Variants in WNK3 observed in about 807,000 individuals in gnomAD.
The protein encoded by WNK3 is serine/threonine-protein kinase WNK3.
Under a neutral mutation model 116.7 loss-of-function variants are expected in WNK3, and 18 were observed. The observed-to-expected ratio is 0.15, with a 90% CI of 0.11 to 0.23. WNK3 has a LOEUF of 0.23. Ranked by LOEUF, WNK3 falls within the 10% of genes least tolerant of loss-of-function variation. The pLI is 1.00. For missense variants in WNK3, 993 were observed against 1,323.8 expected, an observed-to-expected ratio of 0.75 and a Z score of 3.88; for synonymous variants, 404 against 469.4, an observed-to-expected ratio of 0.86 and a Z score of 1.80.
chrX:54,217,347 G>A (rs2067709697), intron 22 of WNK3, among the ~76,000 whole-genome samples: 1 of 106,324 alleles, frequency 9.4e-6, no homozygotes, highest in South Asian at 4.2e-4. Context: ...TAGCCATGTG[G>A]GCCAGGCGCG....
At chrX:54,307,769 T>C (rs1367302554) in intron 5 of WNK3, among the ~76,000 whole-genome samples, 153 bp downstream of exon 5, 1 of 111,744 alleles carries the variant, frequency 8.9e-6, no homozygotes, top group Non-Finnish European at 1.9e-5. Flanking sequence ...CATAGTCATA[T>C]GGTATAAATC....
chrX:54,206,402 T>C (rs889737824), intron 22 of WNK3, among the ~76,000 whole-genome samples: 16 of 111,224 alleles, frequency 1.4e-4, no homozygotes, highest in African/African-American at 5.2e-4. Context: ...AAAATTAAAT[T>C]AAAAAATAAA....
At chrX:54,237,202 A>G (rs2146873883) in exon 20 of WNK3, 1 of 1,211,942 alleles carries the variant, frequency 8.3e-7, no homozygotes, top group East Asian at 3.0e-5. Flanking sequence ...TTTAAGCAAC[A>G]GTTCAGATCC....
intron 22 of WNK3, among the ~76,000 whole-genome samples, chrX:54,207,798 G>A (rs974345033): frequency 1.8e-5 from 2 of 110,949 alleles, no homozygotes; most frequent in Non-Finnish European, 3.8e-5. Context: ...ACAGGCGTGA[G>A]CCACTGCACA....
At chrX:54,325,993 T>G (rs1557173289) in intron 2 of WNK3, among the ~76,000 whole-genome samples, 1 of 111,424 alleles carries the variant, frequency 9.0e-6, no homozygotes, top group Non-Finnish European at 1.9e-5. Flanking sequence ...TCACTCACAG[T>G]AATTTACTAA....
intron 10 of WNK3, among the ~76,000 whole-genome samples, chrX:54,268,641 T>C (rs1318787763): frequency 3.6e-5 from 4 of 111,365 alleles, no homozygotes; most frequent in Non-Finnish European, 7.5e-5. Context: ...TAAGGAAGTG[T>C]TCAAAGAATG....
At chrX:54,241,966 A>G (rs907961867) in intron 17 of WNK3, among the ~76,000 whole-genome samples, 1 of 110,065 alleles carries the variant, frequency 9.1e-6, no homozygotes, top group Non-Finnish European at 1.9e-5. Context: ...AAAAAAAAAA[A>G]AAGTTTGTAT....
chrX:54,198,701 A>G, intron 23 of WNK3, 48 bp from the exon 24 acceptor site: 4 of 956,133 alleles, frequency 4.2e-6, no homozygotes, highest in Non-Finnish European at 5.6e-6. Context: ...TTTGGTATAG[A>G]CTTTTATCAG....
intron 22 of WNK3, among the ~76,000 whole-genome samples, chrX:54,220,656 A>G (rs1330184713): frequency 1.8e-5 from 2 of 112,051 alleles, no homozygotes; most frequent in East Asian, 5.6e-4. Flanking sequence ...TGCCTTTCAA[A>G]TTTTTAGGTG....
intron 22 of WNK3, among the ~76,000 whole-genome samples, chrX:54,213,569 C>CAAAA (rs1270214576): frequency 2.8e-5 from 2 of 70,648 alleles, no homozygotes. Flanking sequence ...AAAAAACAAA[C>CAAAA]AAAAAAAAAA....
chrX:54,245,572 A>G (rs1178370173), intron 17 of WNK3, among the ~76,000 whole-genome samples: 1 of 111,319 alleles, frequency 9.0e-6, no homozygotes, highest in African/African-American at 3.3e-5. Context: ...ATTATTCTGC[A>G]TATATTTTTC....
chrX:54,258,169 T>C (rs191886878), intron 11 of WNK3, among the ~76,000 whole-genome samples: 1,115 of 104,565 alleles, frequency 0.011, 13 homozygotes, highest in African/African-American at 0.038. Flanking sequence ...TCCCAGCTAC[T>C]TGGGAGGCTG....
chrX:54,242,774 T>G (rs891488426), intron 17 of WNK3, among the ~76,000 whole-genome samples: 7 of 110,803 alleles, frequency 6.3e-5, no homozygotes, highest in African/African-American at 2.3e-4. Flanking sequence ...AAAAATTAAC[T>G]CAACATATAT....
At chrX:54,232,714 T>C (rs969953450) in intron 21 of WNK3, 95 bp downstream of exon 21, 83 of 747,367 alleles carry the variant, frequency 1.1e-4, no homozygotes, top group Non-Finnish European at 1.5e-4. Context: ...TAAATTATTT[T>C]AGCCTAATTA....
intron 22 of WNK3, among the ~76,000 whole-genome samples, chrX:54,225,634 A>AG (rs1414406737): frequency 9.1e-6 from 1 of 109,431 alleles, no homozygotes; most frequent in Admixed American, 9.9e-5. Context: ...AAAAAAAAAA[A>AG]AAAGAAAGAA....
intron 22 of WNK3, among the ~76,000 whole-genome samples, chrX:54,215,061 G>A (rs1369578437): frequency 6.1e-5 from 6 of 98,465 alleles, no homozygotes; most frequent in Admixed American, 1.1e-4. Flanking sequence ...AGCTTGCAGT[G>A]AGCCGAGACT....
At chrX:54,275,311 G>C (rs781790567) in intron 10 of WNK3, among the ~76,000 whole-genome samples, 9 of 109,698 alleles carry the variant, frequency 8.2e-5, no homozygotes, top group Admixed American at 5.9e-4. Context: ...GTGAGACTCC[G>C]GCTCAGAAAA....
rs145565733 is a variant in WNK3, at chrX:54,340,805, A to G, written c.-119-7013T>C. Among the ~76,000 whole-genome samples, 368 of 111,734 alleles carry G rather than the reference A, an allele frequency of 3.3e-3. 2 individuals carry two copies. The highest frequency in any genetic ancestry group is 0.012 in the African/African-American group (364 of 30,800). On this transcript the variant is annotated intron_variant, in intron 1 of 23. Coordinates refer to ENST00000354646, the Ensembl canonical transcript of WNK3. ...AATGAAATGCCACTTCATACCCTAC[A>G]ATAAAAAAAGACAGTAACAAGTGTT...
intron 22 of WNK3, among the ~76,000 whole-genome samples, chrX:54,215,522 G>A (rs1011563839): frequency 1.7e-3 from 196 of 112,383 alleles, no homozygotes; most frequent in African/African-American, 5.9e-3. Flanking sequence ...GTGCAGTGGC[G>A]TGATCTCCGC....
Sources: gnomAD v4.1 joint callset for allele counts (sites outside exome capture counted in the v4.1 genomes callset) on GRCh38, gnomAD v4.1.1 for gene constraint, MANE v1.5 for transcripts, NCBI Gene and HGNC (gene_info 2026-07-23, HGNC 2026-07-21) for gene names.